Variants in EDA observed in about 807,000 individuals in gnomAD.
The protein encoded by EDA is ectodysplasin-A.
In EDA, 2 loss-of-function variants were observed where a neutral mutation model predicts 23.6. The ratio of observed to expected loss-of-function variants is 0.08; its 90% CI spans 0.03 to 0.27. The LOEUF (loss-of-function observed/expected upper bound fraction) is 0.27. Among genes scored for constraint, EDA ranks in the 10% least tolerant of loss-of-function variants. EDA has a pLI of 1.00. For missense variants in EDA, 229 were observed against 324.2 expected, an observed-to-expected ratio of 0.71 and a Z score of 2.26; for synonymous variants, 131 against 132.0, an observed-to-expected ratio of 0.99 and a Z score of 0.05.
At position 69,692,037 on chromosome X, in the gene EDA, A is replaced by G. The variant is rs184364563; in HGVS notation, c.396+75333A>G. Among the ~76,000 whole-genome samples the G allele has an allele frequency of 4.1e-4, 46 of 111,473 alleles. 1 individual carries two copies. Among genetic ancestry groups the G allele is most frequent in the African/African-American group, 1.4e-3 (43 of 30,782 alleles). On this transcript the variant is annotated intron_variant, in intron 1 of 7. Coordinates refer to ENST00000374552, the MANE Select transcript of EDA (RefSeq NM_001399.5). ...AACATTTCTTCCAGACTTTGAGTCA[A>G]TGAAAATTGACTCCCATATGGAAAT...
intron 1 of EDA, among the ~76,000 whole-genome samples, chrX:69,633,747 A>G (rs980538404): frequency 8.9e-6 from 1 of 112,195 alleles, no homozygotes; most frequent in Non-Finnish European, 1.9e-5. Flanking sequence ...CCTTTTATTT[A>G]TCTATTTTGT....
intron 1 of EDA, among the ~76,000 whole-genome samples, chrX:69,773,877 T>C (rs1395097188): frequency 8.9e-6 from 1 of 112,118 alleles, no homozygotes; most frequent in African/African-American, 3.2e-5. Flanking sequence ...TAGTGTCCTT[T>C]GGTGAACAAA....
chrX:69,646,333 C>CT (rs1316916706), intron 1 of EDA, among the ~76,000 whole-genome samples: 1 of 111,493 alleles, frequency 9.0e-6, no homozygotes, highest in African/African-American at 3.3e-5. Context: ...TTGTAGGTCT[C>CT]TAAGAATTTG....
At chrX:69,703,984 T>C (rs1401188223) in intron 1 of EDA, among the ~76,000 whole-genome samples, 1 of 112,397 alleles carries the variant, frequency 8.9e-6, no homozygotes, top group African/African-American at 3.2e-5. Context: ...ATAGTATATA[T>C]AGAGTTTGGT....
chrX:69,876,843 G>T (rs1430264672), intron 1 of EDA, among the ~76,000 whole-genome samples: 1 of 112,439 alleles, frequency 8.9e-6, no homozygotes, highest in Non-Finnish European at 1.9e-5. Flanking sequence ...ACAGGTTGAA[G>T]GACATTTAGA....
At chrX:69,745,013 G>A (rs1197702138) in intron 1 of EDA, among the ~76,000 whole-genome samples, 2 of 111,355 alleles carry the variant, frequency 1.8e-5, no homozygotes, top group Non-Finnish European at 3.8e-5. Flanking sequence ...TTGGACTTCA[G>A]ATTATTTTTC....
chrX:69,680,134 A>G (rs1934279118), intron 1 of EDA, among the ~76,000 whole-genome samples: 1 of 106,932 alleles, frequency 9.4e-6, no homozygotes, highest in Admixed American at 1.0e-4. Flanking sequence ...AGCGGTTTTG[A>G]GTGAGTTTCT....
chrX:69,752,607 A>G (rs1312179430), intron 1 of EDA, among the ~76,000 whole-genome samples: 1 of 112,049 alleles, frequency 8.9e-6, no homozygotes, highest in African/African-American at 3.2e-5. Context: ...GAATTAGGGA[A>G]GATTCCCTCT....
chrX:69,812,175 C>G (rs1444925099), intron 1 of EDA, among the ~76,000 whole-genome samples: 2 of 111,972 alleles, frequency 1.8e-5, no homozygotes, highest in Non-Finnish European at 3.8e-5. Flanking sequence ...TGTTAGTAAT[C>G]TCAGATTTAT....
At chrX:69,974,035 A>G (rs2147442472) in intron 2 of EDA, among the ~76,000 whole-genome samples, 1 of 109,120 alleles carries the variant, frequency 9.2e-6, no homozygotes, top group Non-Finnish European at 1.9e-5. Context: ...ATATATATAT[A>G]TATATTAGGA....
At chrX:69,927,186 C>T (rs2018532562) in intron 1 of EDA, among the ~76,000 whole-genome samples, 1 of 111,497 alleles carries the variant, frequency 9.0e-6, no homozygotes, top group Non-Finnish European at 1.9e-5. Flanking sequence ...TGAATTTGAT[C>T]CTGTCATCAT....
At chrX:69,802,695 C>T (rs1448652312) in intron 1 of EDA, among the ~76,000 whole-genome samples, 3 of 111,213 alleles carry the variant, frequency 2.7e-5, no homozygotes, top group South Asian at 3.8e-4. Flanking sequence ...GCTTTTATGA[C>T]ACCAGAAGTT....
intron 1 of EDA, among the ~76,000 whole-genome samples, chrX:69,874,368 C>T (rs2017611901): frequency 9.0e-6 from 1 of 111,434 alleles, no homozygotes; most frequent in East Asian, 2.8e-4. Flanking sequence ...TGATACACCA[C>T]ATAAACAGAA....
intron 2 of EDA, among the ~76,000 whole-genome samples, chrX:69,983,916 C>T (rs1175618068): frequency 3.7e-5 from 4 of 107,898 alleles, no homozygotes; most frequent in African/African-American, 1.4e-4. Flanking sequence ...TTATAACAAA[C>T]TATCTCTCAG....
intron 1 of EDA, among the ~76,000 whole-genome samples, chrX:69,736,403 C>T (rs1313120063): frequency 9.0e-6 from 1 of 110,581 alleles, no homozygotes; most frequent in African/African-American, 3.3e-5. Context: ...GATCTCGGCT[C>T]GCTGCAACCT....
chrX:69,836,745 G>A (rs1217179238), intron 1 of EDA, among the ~76,000 whole-genome samples: 2 of 112,236 alleles, frequency 1.8e-5, no homozygotes, highest in Non-Finnish European at 3.8e-5. Flanking sequence ...TGCACCCACT[G>A]TCCATCCAGT....
In EDA at chrX:69,621,324, T is replaced by A. The variant is rs73224447; in HGVS notation, c.396+4620T>A. 2.8e-3 allele frequency among the ~76,000 whole-genome samples: 312 copies of A among 112,257 alleles called. 1 individual carries two copies. Among genetic ancestry groups the A allele is most frequent in the Non-Finnish European group, 5.1e-3 (271 of 53,218 alleles). On this transcript the variant is annotated intron_variant, in intron 1 of 7. Transcript: ENST00000374552. Reference sequence around the variant, plus strand: ...TAAATACTCAGGACTTAGCTTTTCATTTCATTTCTTTCTTTTATTAAAAAT... The same window carrying A: ...TAAATACTCAGGACTTAGCTTTTCAATTCATTTCTTTCTTTTATTAAAAAT...
At chrX:69,809,083 T>TG (rs1000509512) in intron 1 of EDA, among the ~76,000 whole-genome samples, 9 of 111,605 alleles carry the variant, frequency 8.1e-5, no homozygotes, top group Non-Finnish European at 1.7e-4. Context: ...GGGAGGTCCA[T>TG]GGGGTACCAT....
intron 2 of EDA, among the ~76,000 whole-genome samples, chrX:69,967,374 A>T (rs2019189138): frequency 9.0e-6 from 1 of 111,323 alleles, no homozygotes; most frequent in Non-Finnish European, 1.9e-5. Flanking sequence ...GAAGCCACCC[A>T]GGTTTCTGGC....
Sources: gnomAD v4.1 joint callset for allele counts (sites outside exome capture counted in the v4.1 genomes callset) on GRCh38, gnomAD v4.1.1 for gene constraint, MANE v1.5 for transcripts, NCBI Gene and HGNC (gene_info 2026-07-23, HGNC 2026-07-21) for gene names.